The following CECR2 variants were observed in gnomAD, a reference collection of about 807,000 sequenced individuals.
CECR2 encodes the protein chromatin remodeling regulator CECR2.
Under a neutral mutation model 154.5 loss-of-function variants are expected in CECR2, and 30 were observed. The observed-to-expected ratio is 0.19, with a 90% CI of 0.15 to 0.26. CECR2 has a LOEUF of 0.26. Among genes scored for constraint, CECR2 ranks in the 10% least tolerant of loss-of-function variants. The probability of loss-of-function intolerance (pLI) is 1.00; values close to 1 mark genes in which losing one functional copy is unlikely to be tolerated. For synonymous variants in CECR2, 725 were observed against 683.7 expected (o/e 1.06, Z -0.94); for missense variants, 1,743 against 1,829.3 (o/e 0.95, Z 0.86).
chr22:17,487,976 G>A (rs1471494041), intron 2 of CECR2, among the ~76,000 whole-genome samples: 6 of 151,996 alleles, frequency 3.9e-5, no homozygotes, highest in African/African-American at 9.7e-5. Flanking sequence ...TCCACCTCCT[G>A]GGTTCAAATG....
chr22:17,366,570 C>T (rs1224786481), upstream of CECR2, among the ~76,000 whole-genome samples: 1 of 151,982 alleles, frequency 6.6e-6, no homozygotes, highest in Non-Finnish European at 1.5e-5. Context: ...AATAGCACTC[C>T]GAATCAAAGG....
At chr22:17,465,080 C>T (rs5747185) in intron 1 of CECR2, among the ~76,000 whole-genome samples, 33,819 of 150,446 alleles carry the variant, frequency 0.22, 4,348 homozygotes, top group African/African-American at 0.35. Context: ...CACTGCAAGC[C>T]CCGCCTCCTG....
rs1043245023 is a variant in CECR2, at chr22:17,552,965, C to G, written c.*125C>G. 1 of 1,497,234 alleles carries G rather than the reference C, an allele frequency of 6.7e-7. No homozygotes were observed. Among genetic ancestry groups the G allele is most frequent in the Non-Finnish European group, 8.9e-7 (1 of 1,125,602 alleles). The allele number at this position is 1,497,234 out of a possible 1,614,324, so 92.7% of individuals were successfully genotyped here. On this transcript the variant is annotated 3_prime_UTR_variant, in exon 19 of 19. Coordinates refer to ENST00000262608, the MANE Select transcript of CECR2 (RefSeq NM_001290047.2). ...CTCCACCCCTTCACGGCGACCCACT[C>G]GTGCCATACTTGAGCTGGAGCCAGT...
intron 16 of CECR2, among the ~76,000 whole-genome samples, chr22:17,543,208 C>T (rs956933263): frequency 6.6e-6 from 1 of 152,126 alleles, no homozygotes; most frequent in Non-Finnish European, 1.5e-5. Context: ...TTTCGGCTCA[C>T]TGCAAGTTCC....
At chr22:17,531,010 A>G (rs9605317) in intron 9 of CECR2, among the ~76,000 whole-genome samples, 36,672 of 152,010 alleles carry the variant, frequency 0.24, 4,723 homozygotes, top group East Asian at 0.48. Flanking sequence ...TTACTTACAC[A>G]CTTAATGCTA....
chr22:17,535,012 G>A (rs530299250), intron 9 of CECR2, among the ~76,000 whole-genome samples: 16 of 151,994 alleles, frequency 1.1e-4, no homozygotes, highest in Admixed American at 4.6e-4. Context: ...TTAGCCAGGC[G>A]TGGTGGCGGG....
At position 17,552,820 on chromosome 22, in the gene CECR2, CT is replaced by C; in HGVS notation, c.4390-12del. ...CAATTTTTATTTTTGTTTAAAATGTCTTTGTTTCTTTCAGAGCTAGTCCAAG... is the reference window on the plus strand; with the variant it reads ...CAATTTTTATTTTTGTTTAAAATGTCTTGTTTCTTTCAGAGCTAGTCCAAG... On this transcript the variant is annotated splice_polypyrimidine_tract_variant and intron_variant, in intron 18 of 18. Transcript: ENST00000262608. 1.8e-6 allele frequency: 2 copies of C among 1,088,714 alleles called. No individual in the cohort carries two copies. Among genetic ancestry groups the C allele is most frequent in the Middle Eastern group, 2.2e-4 (1 of 4,610 alleles). 67.4% of individuals were successfully genotyped at this position (1,088,714 alleles called of 1,614,324 possible).
intron 18 of CECR2, 61 bp from the exon 19 acceptor site, chr22:17,552,774 G>GTTTTGT: frequency 2.1e-6 from 2 of 933,468 alleles, no homozygotes; most frequent in Non-Finnish European, 3.0e-6. Context: ...GCTTACTTAA[G>GTTTTGT]TTTTTTTTTT....
At chr22:17,391,665 A>C (rs1012749505) in intron 1 of CECR2, among the ~76,000 whole-genome samples, 1 of 152,246 alleles carries the variant, frequency 6.6e-6, no homozygotes, top group Non-Finnish European at 1.5e-5. Flanking sequence ...TGGAAATTAT[A>C]ATCATTTGGG....
At chr22:17,543,743 A>G (rs910516901) in intron 16 of CECR2, among the ~76,000 whole-genome samples, 3 of 151,888 alleles carry the variant, frequency 2.0e-5, no homozygotes, top group African/African-American at 7.3e-5. Flanking sequence ...TATTTTTAGT[A>G]CAGACAAGGT....
intron 8 of CECR2, among the ~76,000 whole-genome samples, chr22:17,518,443 C>T (rs982276327): frequency 3.9e-5 from 6 of 152,194 alleles, no homozygotes; most frequent in African/African-American, 9.7e-5. Flanking sequence ...TTCTGTTCTA[C>T]CCCAGTGGTA....
chr22:17,426,469 G>A (rs1315081710), intron 1 of CECR2, among the ~76,000 whole-genome samples: 4 of 152,032 alleles, frequency 2.6e-5, no homozygotes, highest in Admixed American at 2.6e-4. Flanking sequence ...GGATTCTCCT[G>A]CTTCAGCCTC....
chr22:17,381,434 A>G (rs188804641), intron 1 of CECR2, among the ~76,000 whole-genome samples: 1 of 152,128 alleles, frequency 6.6e-6, no homozygotes, highest in African/African-American at 2.4e-5. Flanking sequence ...GTTTTAGTGC[A>G]AGTGCTGCTG....
chr22:17,400,065 T>A (rs997522833), intron 1 of CECR2, among the ~76,000 whole-genome samples: 3 of 152,196 alleles, frequency 2.0e-5, no homozygotes, highest in Non-Finnish European at 4.4e-5. Flanking sequence ...CATTACTTTT[T>A]AAAAAATCTG....
chr22:17,413,663 G>GATTATTATT (rs111990077), intron 1 of CECR2, among the ~76,000 whole-genome samples: 15 of 150,732 alleles, frequency 1.0e-4, no homozygotes, highest in Admixed American at 4.0e-4. Context: ...TTGGAAGGAG[G>GATTATTATT]ATTATTATTA....
intron 1 of CECR2, among the ~76,000 whole-genome samples, chr22:17,446,911 G>A (rs187640331): frequency 6.8e-6 from 1 of 146,144 alleles, no homozygotes; most frequent in African/African-American, 2.7e-5. Context: ...GCGCTGATTG[G>A]TCCATTTTAC....
Position 17,548,882 on chromosome 22 carries a change from C to G in CECR2, c.3595C>G (p.Arg1199Gly). 6.2e-7 allele frequency: 1 copy of G among 1,613,188 alleles called. No individual in the cohort carries two copies. Among genetic ancestry groups the G allele is most frequent in the Non-Finnish European group, 8.5e-7 (1 of 1,179,354 alleles). Residue 1199 changes from arginine to glycine, a missense_variant, in exon 17 of 19, where the codon CGA (arginine) becomes GGA (glycine). Coordinates refer to ENST00000262608, the MANE Select transcript of CECR2 (RefSeq NM_001290047.2). The stretch of plus-strand genomic sequence containing the variant: ...ACAGCCTTCCTACCACCACTATCAG[C>G]GAACTCCTTACTATGCCTGTCCACA... ...PPQPSYHHYQ[R>G]TPYYACPQSF...
intron 2 of CECR2, among the ~76,000 whole-genome samples, chr22:17,483,358 G>A (rs1054005839): frequency 6.6e-6 from 1 of 152,124 alleles, no homozygotes; most frequent in East Asian, 1.9e-4. Context: ...CCAGGAGTTC[G>A]AGACCAGCCT....
In CECR2 at chr22:17,551,068, G is replaced by T. The variant is rs565738802; in HGVS notation, c.4278-963G>T. ...CCTCTCTACTATTTAACATTTTGTC[G>T]TGTTTGCTTTATATGTCTCTAAATA... On this transcript the variant is annotated intron_variant, in intron 17 of 18. Coordinates refer to ENST00000262608, the MANE Select transcript of CECR2 (RefSeq NM_001290047.2). Among the ~76,000 whole-genome samples, 4 of 152,080 alleles carry T rather than the reference G, an allele frequency of 2.6e-5. No individual in the cohort carries two copies. In the South Asian group the frequency reaches 8.3e-4, roughly 32 times the overall value.
Sources: allele counts gnomAD v4.1 joint callset (sites outside exome capture counted in the v4.1 genomes callset), GRCh38; gene constraint gnomAD v4.1.1; transcripts MANE v1.5; gene names NCBI Gene and HGNC (gene_info 2026-07-23, HGNC 2026-07-21).